The following EPB41 variants were observed in gnomAD, a reference collection of about 807,000 sequenced individuals.
EPB41 encodes the protein protein 4.1.
In EPB41, 65 loss-of-function variants were observed where a neutral mutation model predicts 108.0. That is an observed-to-expected ratio of 0.60 (90% CI 0.49 to 0.74). The LOEUF (loss-of-function observed/expected upper bound fraction) is 0.74, where lower values mean the gene tolerates loss of function less well. Among genes scored for constraint, EPB41 ranks in the 30% least tolerant of loss-of-function variants. The probability of loss-of-function intolerance (pLI) is 0.00; values close to 1 mark genes in which losing one functional copy is unlikely to be tolerated. For missense variants in EPB41, 875 were observed against 1,037.0 expected (o/e 0.84, Z 2.15); for synonymous variants, 336 against 358.9 (o/e 0.94, Z 0.72).
intron 1 of EPB41, among the ~76,000 whole-genome samples, chr1:28,947,494 A>C (rs1048751635): frequency 6.6e-6 from 1 of 152,064 alleles, no homozygotes; most frequent in African/African-American, 2.4e-5. Flanking sequence ...TTTTTATTAG[A>C]TGCAACCAGG....
chr1:29,079,496 C>T (rs1655528374), intron 16 of EPB41, among the ~76,000 whole-genome samples: 1 of 151,502 alleles, frequency 6.6e-6, no homozygotes. Flanking sequence ...CGGCAACCTC[C>T]ACTTCCCAGG....
chr1:28,988,552 G>A (rs569447291), intron 2 of EPB41, among the ~76,000 whole-genome samples: 7 of 152,056 alleles, frequency 4.6e-5, no homozygotes, highest in East Asian at 1.9e-4. Context: ...TAGAGACAGC[G>A]TTTTGCTGTG....
intron 1 of EPB41, among the ~76,000 whole-genome samples, chr1:28,891,872 T>A (rs2090144752): frequency 6.6e-6 from 1 of 152,060 alleles, no homozygotes; most frequent in Non-Finnish European, 1.5e-5. Flanking sequence ...GCGGGTCACC[T>A]GAGATCAGGA....
At chr1:28,951,861 C>T (rs995397398) in intron 1 of EPB41, among the ~76,000 whole-genome samples, 4 of 151,966 alleles carry the variant, frequency 2.6e-5, no homozygotes, top group Non-Finnish European at 5.9e-5. Context: ...CTGGGAATGA[C>T]GGAGCAAGAC....
At chr1:29,038,637 G>A (rs1299160562) in intron 10 of EPB41, among the ~76,000 whole-genome samples, 1 of 152,168 alleles carries the variant, frequency 6.6e-6, no homozygotes, top group African/African-American at 2.4e-5. Context: ...CATGGTCTTT[G>A]TTCTTTACTC....
intron 11 of EPB41, among the ~76,000 whole-genome samples, chr1:29,047,883 A>C (rs1205910982): frequency 1.3e-5 from 2 of 152,006 alleles, no homozygotes; most frequent in Admixed American, 1.3e-4. Flanking sequence ...TCCCAAGTTC[A>C]AGCGATTCTC....
At position 28,987,624 on chromosome 1, in the gene EPB41, C is replaced by T. The variant is rs762296033; in HGVS notation, c.187C>T (p.His63Tyr). The part of the protein sequence containing the change: ...LKASNGDTPT[H>Y]EDLTKNKERT... ...AGCTTCTAATGGAGACACTCCTACA[C>T]ATGAAGACTTGACCAAGAACAAGGA... The change falls in exon 2 of 21, where the codon CAT becomes TAT. Residue 63 changes from histidine to tyrosine, a missense_variant. Physicochemically the swap from His to Tyr is moderately conservative, Grantham distance 83. This residue lies in a region of EPB41 where 353 missense variants were observed against 393.2 expected (regional missense o/e 0.90). Transcript: ENST00000343067. 17 of 1,614,082 alleles carry T rather than the reference C, an allele frequency of 1.1e-5. No homozygotes were observed. In the South Asian group the frequency reaches 1.8e-4, roughly 17 times the overall value.
chr1:29,082,338 G>A (rs1467434843), intron 16 of EPB41, among the ~76,000 whole-genome samples: 2 of 152,146 alleles, frequency 1.3e-5, no homozygotes, highest in African/African-American at 4.8e-5. Context: ...TGGTCAGGCT[G>A]GTCTCGAACT....
chr1:29,068,787 A>G, intron 16 of EPB41: 2 of 1,232,140 alleles, frequency 1.6e-6, no homozygotes, highest in Non-Finnish European at 2.0e-6. Flanking sequence ...GCCAGAGGTA[A>G]AGCTGCTGTT....
chr1:28,986,401 T>C (rs1485923126), intron 1 of EPB41, among the ~76,000 whole-genome samples: 5 of 152,308 alleles, frequency 3.3e-5, no homozygotes, highest in South Asian at 2.1e-4. Context: ...ATTGTGAAGC[T>C]TGACTTATAA....
intron 1 of EPB41, among the ~76,000 whole-genome samples, chr1:28,899,935 C>T (rs1426518199): frequency 3.3e-5 from 5 of 152,158 alleles, no homozygotes; most frequent in Non-Finnish European, 7.4e-5. Flanking sequence ...CCTAAGTGAG[C>T]TTCAGTTTTT....
intron 17 of EPB41, among the ~76,000 whole-genome samples, chr1:29,106,313 A>C (rs1667121400): frequency 6.6e-6 from 1 of 152,176 alleles, no homozygotes; most frequent in Non-Finnish European, 1.5e-5. Flanking sequence ...GTTCTTCAAA[A>C]AGCTTTAGCC....
At chr1:28,900,280 ACTT>A (rs150249321) in intron 1 of EPB41, among the ~76,000 whole-genome samples, 12,800 of 149,256 alleles carry the variant, frequency 0.086, 585 homozygotes, top group South Asian at 0.14. Flanking sequence ...GGGATCATTT[ACTT>A]CTTCTTCTTT....
chr1:29,014,138 G>A (rs1194766624), intron 5 of EPB41, among the ~76,000 whole-genome samples: 1 of 151,806 alleles, frequency 6.6e-6, no homozygotes, highest in Non-Finnish European at 1.5e-5. Context: ...CCAACATGGT[G>A]AAACCCCGTC....
chr1:29,026,756 A>C (rs979816418), intron 7 of EPB41, among the ~76,000 whole-genome samples: 1 of 152,108 alleles, frequency 6.6e-6, no homozygotes, highest in Non-Finnish European at 1.5e-5. Context: ...GCAGTGAACC[A>C]TGATGGTGCC....
At chr1:29,058,359 A>C (rs1645914061) in intron 12 of EPB41, among the ~76,000 whole-genome samples, 1 of 152,110 alleles carries the variant, frequency 6.6e-6, no homozygotes, top group South Asian at 2.1e-4. Context: ...CTTTTTTGAT[A>C]ATTTGGATAT....
At chr1:29,037,262 A>G (rs1279159597) in intron 10 of EPB41, among the ~76,000 whole-genome samples, 1 of 151,472 alleles carries the variant, frequency 6.6e-6, no homozygotes, top group African/African-American at 2.4e-5. Context: ...TTGTATTTTT[A>G]GTAGAGATGG....
chr1:28,918,486 C>CTTTA lies in EPB41; in HGVS notation c.-8+3719_-8+3720insTTAT, dbSNP rs746215933. Among the ~76,000 whole-genome samples the CTTTA allele has an allele frequency of 3.9e-5, 6 of 152,146 alleles. No individual in the cohort carries two copies. The South Asian group carries it at 1.2e-3, about 32-fold the overall frequency. ...ACATGGAATCACTTTATTTTGTGAG[C>CTTTA]TAAACAACAATAATTCCAATAACTT... is the stretch of plus-strand genomic sequence containing the variant. On this transcript the variant is annotated intron_variant, in intron 1 of 20. Coordinates refer to ENST00000343067, the MANE Select transcript of EPB41 (RefSeq NM_001376013.1).
chr1:28,896,299 C>A (rs1290209705), intron 1 of EPB41, among the ~76,000 whole-genome samples: 1 of 152,106 alleles, frequency 6.6e-6, no homozygotes, highest in South Asian at 2.1e-4. Context: ...ACAAAAGAGA[C>A]CAGGTCTGGG....
Sources: gnomAD v4.1 joint callset for allele counts (sites outside exome capture counted in the v4.1 genomes callset) on GRCh38, gnomAD v4.1.1 for gene constraint, gnomAD v4.1.1 regional missense constraint, MANE v1.5 for transcripts, NCBI Gene and HGNC (gene_info 2026-07-23, HGNC 2026-07-21) for gene names.